MTR: variants seen among roughly 807,000 people sequenced by gnomAD.
The protein encoded by MTR is 5-methyltetrahydrofolate-homocysteine methyltransferase, also known as methionine synthase.
MTR carries 84 observed loss-of-function variants against 154.8 expected under a neutral mutation model. That is an observed-to-expected ratio of 0.54 (90% CI 0.45 to 0.65). The LOEUF (loss-of-function observed/expected upper bound fraction) is 0.65, where lower values mean the gene tolerates loss of function less well. MTR is among the 30% of genes least tolerant of loss of function. The pLI is 0.00. For missense variants in MTR, 1,275 were observed against 1,570.2 expected, an observed-to-expected ratio of 0.81 and a Z score of 3.18; for synonymous variants, 554 against 553.9, an observed-to-expected ratio of 1.00 and a Z score of 0.00.
At chr1:236,856,517 T>G (rs576060649) in intron 18 of MTR, among the ~76,000 whole-genome samples, 165 of 151,862 alleles carry the variant, frequency 1.1e-3, no homozygotes, top group Non-Finnish European at 1.9e-3. Context: ...TCTTCTTTCT[T>G]TTTTTTTCTT....
Position 236,899,606 on chromosome 1 carries a change from CAT to C in MTR, c.*1964_*1965del, listed in dbSNP as rs1331732894. 1 of 152,158 alleles carries C rather than the reference CAT, an allele frequency of 6.6e-6. No individual in the cohort carries two copies. The highest frequency in any genetic ancestry group is 1.5e-5 in the Non-Finnish European group (1 of 68,012). The allele number at this position is 152,158 out of a possible 1,614,324, so 9.4% of individuals were successfully genotyped here. On this transcript the variant is annotated 3_prime_UTR_variant, in exon 33 of 33. Coordinates refer to ENST00000366577, the MANE Select transcript of MTR (RefSeq NM_000254.3). Reference sequence around the variant, plus strand: ...TAGGGCAGGAAAGAATCTCTTGAGACATAAAGTAGTAATCATAAAGGACAAGA... The same window carrying C: ...TAGGGCAGGAAAGAATCTCTTGAGACAAAGTAGTAATCATAAAGGACAAGA...
chr1:236,876,138 T>G (rs1244374674), intron 24 of MTR, among the ~76,000 whole-genome samples: 1 of 152,226 alleles, frequency 6.6e-6, no homozygotes, highest in Non-Finnish European at 1.5e-5. Flanking sequence ...AACATTTAGG[T>G]TGTGGTTAAC....
chr1:236,895,261 A>AGGGT, intron 30 of MTR, 97 bp from the exon 31 acceptor site: 1 of 1,309,822 alleles, frequency 7.6e-7, no homozygotes, highest in Non-Finnish European at 1.1e-6. Flanking sequence ...CAGATGAGGG[A>AGGGT]GGGTGTCCTC....
intron 15 of MTR, among the ~76,000 whole-genome samples, chr1:236,843,739 T>A (rs1558304629): frequency 6.6e-6 from 1 of 152,122 alleles, no homozygotes; most frequent in Non-Finnish European, 1.5e-5. Flanking sequence ...TGGGTATAGG[T>A]TGTGAAAGAA....
intron 15 of MTR, among the ~76,000 whole-genome samples, chr1:236,842,273 G>A (rs1663296763): frequency 6.6e-6 from 1 of 152,124 alleles, no homozygotes; most frequent in South Asian, 2.1e-4. Context: ...TGTTCACCGT[G>A]TTCTGAACTC....
At chr1:236,896,861 T>G in intron 31 of MTR, 145 bp from the exon 32 acceptor site, 2 of 762,164 alleles carry the variant, frequency 2.6e-6, no homozygotes, top group Admixed American at 1.7e-5. Context: ...GATCACAGCT[T>G]TCATGCTGTG....
chr1:236,893,318 G>A (rs1666435681), intron 29 of MTR, among the ~76,000 whole-genome samples: 1 of 152,194 alleles, frequency 6.6e-6, no homozygotes. Context: ...CAATGAAGCT[G>A]TACTTGCTTC....
chr1:236,825,445 T>C, intron 10 of MTR, 46 bp downstream of exon 10: 1 of 1,507,646 alleles, frequency 6.6e-7, no homozygotes, highest in Non-Finnish European at 9.2e-7. Flanking sequence ...GACAGAAAGA[T>C]TGAATTTTAG....
At chr1:236,816,371 G>A in intron 7 of MTR, 78 bp from the exon 8 acceptor site, 1 of 1,217,500 alleles carries the variant, frequency 8.2e-7, no homozygotes, top group South Asian at 1.2e-5. Context: ...AAGTCAGTGT[G>A]TTCATTTTAT....
chr1:236,897,375 A>G lies in MTR; in HGVS notation c.3712-183A>G, dbSNP rs566097074. ...CTTCTAAGCATCAGATGTTTACTAC[A>G]TGTTTTTCTGCCCAGAGAAAAAGGC... is the stretch of plus-strand genomic sequence containing the variant. On this transcript the variant is annotated intron_variant, in intron 32 of 32. Transcript: ENST00000366577. Among the ~76,000 whole-genome samples, 5 of 150,654 alleles carry G rather than the reference A, an allele frequency of 3.3e-5. No homozygotes were observed. In the South Asian group the frequency reaches 1.1e-3, roughly 32 times the overall value.
chr1:236,869,527 G>C (rs995330951), intron 22 of MTR, among the ~76,000 whole-genome samples: 1 of 152,150 alleles, frequency 6.6e-6, no homozygotes, highest in African/African-American at 2.4e-5. Flanking sequence ...AACAAATACT[G>C]TAAAATCAAC....
intron 20 of MTR, 63 bp downstream of exon 20, chr1:236,861,340 C>A: frequency 1.2e-6 from 2 of 1,607,374 alleles, no homozygotes; most frequent in Non-Finnish European, 1.7e-6. Context: ...TAATAAATGG[C>A]GATTTGGGAT....
chr1:236,855,927 C>T (rs1664177887), intron 18 of MTR, among the ~76,000 whole-genome samples: 1 of 152,182 alleles, frequency 6.6e-6, no homozygotes, highest in Non-Finnish European at 1.5e-5. Context: ...CCTCAGCATG[C>T]CATTGTGTAT....
intron 22 of MTR, among the ~76,000 whole-genome samples, chr1:236,865,569 T>A (rs1664777614): frequency 6.6e-6 from 1 of 152,178 alleles, no homozygotes; most frequent in Admixed American, 6.5e-5. Context: ...GATAACAATG[T>A]TTTTTCTTTG....
intron 30 of MTR, chr1:236,895,079 A>G (rs1666547564): frequency 1.3e-5 from 6 of 463,554 alleles, no homozygotes; most frequent in Non-Finnish European, 2.4e-5. Context: ...CTTTGGATTG[A>G]CCTTTAGGGA....
intron 2 of MTR, 67 bp from the exon 3 acceptor site, chr1:236,806,077 G>A: frequency 1.6e-6 from 2 of 1,285,952 alleles, no homozygotes; most frequent in Non-Finnish European, 1.1e-6. Flanking sequence ...TAATGAAAGG[G>A]CATGTTTATT....
intron 31 of MTR, among the ~76,000 whole-genome samples, chr1:236,895,891 T>C (rs1397375100): frequency 6.6e-6 from 1 of 152,226 alleles, no homozygotes; most frequent in Admixed American, 6.5e-5. Flanking sequence ...GAGACCGACC[T>C]TTGTCCCTCA....
At position 236,897,838 on chromosome 1, in the gene MTR, T is replaced by G. The variant is rs139800467; in HGVS notation, c.*194T>G. ...CCTGCAGTGCCTGGAAAACAGGCGC[T>G]GTTTTTTTGGGACCTTGCGTGAAGA... is the stretch of plus-strand genomic sequence containing the variant. On this transcript the variant is annotated 3_prime_UTR_variant, in exon 33 of 33. Coordinates refer to ENST00000366577, the MANE Select transcript of MTR (RefSeq NM_000254.3). 1.6e-6 allele frequency: 1 copy of G among 609,302 alleles called. No homozygotes were observed. The highest frequency in any genetic ancestry group is 2.8e-5 in the East Asian group (1 of 35,562). The allele number at this position is 609,302 out of a possible 1,614,324, so 37.7% of individuals were successfully genotyped here.
In MTR at chr1:236,899,100, G is replaced by C. The variant is rs1572356731; in HGVS notation, c.*1456G>C. ...TTTGTTCATGAATAGGAATATTCAA[G>C]ATTATAAAGGTATCAGGTCTCCTAA... is the stretch of plus-strand genomic sequence containing the variant. On this transcript the variant is annotated 3_prime_UTR_variant, in exon 33 of 33. Transcript: ENST00000366577. 1 of 152,298 alleles carries C rather than the reference G, an allele frequency of 6.6e-6. No homozygotes were observed. Among genetic ancestry groups the C allele is most frequent in the Non-Finnish European group, 1.5e-5 (1 of 68,018 alleles). The allele number at this position is 152,298 out of a possible 1,614,324, so 9.4% of individuals were successfully genotyped here. A position where few individuals can be genotyped will look rare whatever the true frequency, so the allele number is the denominator to read the frequency against.
Sources: gnomAD v4.1 joint callset for allele counts (sites outside exome capture counted in the v4.1 genomes callset) on GRCh38, gnomAD v4.1.1 for gene constraint, MANE v1.5 for transcripts, NCBI Gene and HGNC (gene_info 2026-07-23, HGNC 2026-07-21) for gene names.